SPIDR: variants seen among roughly 807,000 people sequenced by gnomAD.
SPIDR encodes the protein DNA repair-scaffolding protein.
Under a neutral mutation model 104.6 loss-of-function variants are expected in SPIDR, and 93 were observed. The observed-to-expected ratio is 0.89, with a 90% confidence interval of 0.75 to 1.06. SPIDR has a LOEUF of 1.06. Among genes scored for constraint, SPIDR ranks in the 50% least tolerant of loss-of-function variants. SPIDR has a pLI of 0.00. For missense variants in SPIDR, 1,154 were observed against 1,111.2 expected (o/e 1.04, Z -0.55); for synonymous variants, 431 against 416.9 (o/e 1.03, Z -0.41).
chr8:47,487,192 A>AGCG (rs140026805), intron 8 of SPIDR, among the ~76,000 whole-genome samples: 1 of 94 alleles, frequency 0.011, no homozygotes. Context: ...CAAAACAAAA[A>AGCG]GGGGTTGCAA....
intron 10 of SPIDR, among the ~76,000 whole-genome samples, chr8:47,653,196 C>G (rs1273820064): frequency 1.3e-5 from 2 of 152,170 alleles, no homozygotes; most frequent in African/African-American, 2.4e-5. Flanking sequence ...CTTGCGTGGG[C>G]CAACATGCCC....
intron 5 of SPIDR, among the ~76,000 whole-genome samples, chr8:47,346,595 C>A (rs1554618276): frequency 6.6e-6 from 1 of 152,120 alleles, no homozygotes; most frequent in Non-Finnish European, 1.5e-5. Flanking sequence ...TCTGTCTGGT[C>A]CTGGACTTTT....
chr8:47,512,979 T>G (rs962042815), intron 8 of SPIDR, among the ~76,000 whole-genome samples: 1 of 152,256 alleles, frequency 6.6e-6, no homozygotes, highest in Non-Finnish European at 1.5e-5. Context: ...AGCAGCTTTC[T>G]GACTGTAAAA....
chr8:47,578,090 T>C (rs1166404269), intron 8 of SPIDR, among the ~76,000 whole-genome samples: 4 of 152,326 alleles, frequency 2.6e-5, no homozygotes. Flanking sequence ...ACTAAGGTAT[T>C]CAGTTTTCTT....
At chr8:47,344,292 A>G (rs1305866822) in intron 5 of SPIDR, among the ~76,000 whole-genome samples, 4 of 152,188 alleles carry the variant, frequency 2.6e-5, no homozygotes, top group African/African-American at 7.2e-5. Context: ...TACAAAGGAC[A>G]TGAACTCATC....
At chr8:47,505,958 T>A (rs2081415103) in intron 8 of SPIDR, among the ~76,000 whole-genome samples, 1 of 152,254 alleles carries the variant, frequency 6.6e-6, no homozygotes, top group Non-Finnish European at 1.5e-5. Flanking sequence ...AGTATTGCCC[T>A]CCTGGCACAT....
intron 8 of SPIDR, among the ~76,000 whole-genome samples, chr8:47,447,094 G>A (rs2070788723): frequency 6.6e-6 from 1 of 152,204 alleles, no homozygotes; most frequent in Admixed American, 6.5e-5. Context: ...GGTGGAAAAA[G>A]CAAGAGAACT....
chr8:47,347,882 A>C (rs1238466051), intron 5 of SPIDR, among the ~76,000 whole-genome samples: 1 of 152,082 alleles, frequency 6.6e-6, no homozygotes, highest in African/African-American at 2.4e-5. Context: ...CAGCACACTG[A>C]TGGGTCCTGG....
At chr8:47,462,932 T>C (rs923560894) in intron 8 of SPIDR, among the ~76,000 whole-genome samples, 5 of 152,172 alleles carry the variant, frequency 3.3e-5, no homozygotes, top group Admixed American at 3.3e-4. Flanking sequence ...TATGAACAAC[T>C]GAACACCAAC....
At chr8:47,526,466 C>T (rs1357996045) in intron 8 of SPIDR, among the ~76,000 whole-genome samples, 4 of 152,116 alleles carry the variant, frequency 2.6e-5, no homozygotes, top group African/African-American at 9.7e-5. Context: ...GCTAAGAAGC[C>T]TTAAAAACCA....
intron 5 of SPIDR, among the ~76,000 whole-genome samples, chr8:47,334,391 A>G (rs1177038878): frequency 2.6e-5 from 4 of 152,160 alleles, no homozygotes; most frequent in African/African-American, 9.7e-5. Flanking sequence ...ATGATAGTGG[A>G]CTAATTTATT....
intron 5 of SPIDR, among the ~76,000 whole-genome samples, chr8:47,310,588 A>G (rs1176095033): frequency 6.6e-6 from 1 of 152,180 alleles, no homozygotes; most frequent in Non-Finnish European, 1.5e-5. Context: ...TGAGCATTTC[A>G]TTTTTTGTGG....
chr8:47,383,176 G>C (rs555102479), intron 5 of SPIDR, among the ~76,000 whole-genome samples: 12 of 152,254 alleles, frequency 7.9e-5, no homozygotes, highest in African/African-American at 2.6e-4. Flanking sequence ...TGCTTTTCCA[G>C]CCTCCTGCCA....
chr8:47,476,087 CACA>C (rs2076259924), intron 8 of SPIDR, among the ~76,000 whole-genome samples: 1 of 152,128 alleles, frequency 6.6e-6, no homozygotes, highest in Non-Finnish European at 1.5e-5. Context: ...GCCATTGTAA[CACA>C]AAAGTTAAAG....
intron 8 of SPIDR, among the ~76,000 whole-genome samples, chr8:47,591,509 A>G (rs913827287): frequency 3.3e-5 from 5 of 151,930 alleles, no homozygotes; most frequent in African/African-American, 4.8e-5. Context: ...GATTTGCAGA[A>G]ATTTCCAGAC....
At chr8:47,363,247 C>G (rs570757073) in intron 5 of SPIDR, among the ~76,000 whole-genome samples, 2 of 140,312 alleles carry the variant, frequency 1.4e-5, no homozygotes, top group East Asian at 4.1e-4. Flanking sequence ...GCTCTGTCAC[C>G]CAGGCTGGAG....
At chr8:47,278,754 C>T (rs1331064214) in intron 1 of SPIDR, among the ~76,000 whole-genome samples, 2 of 152,126 alleles carry the variant, frequency 1.3e-5, no homozygotes, top group Non-Finnish European at 2.9e-5. Context: ...ACTACAGGTG[C>T]ATGCCACCAC....
chr8:47,576,885 A>G (rs1564379158), intron 8 of SPIDR, among the ~76,000 whole-genome samples: 1 of 152,232 alleles, frequency 6.6e-6, no homozygotes, highest in Non-Finnish European at 1.5e-5. Flanking sequence ...GTATGTGACA[A>G]AACTGAGACT....
At chr8:47,262,028 A>G (rs1436520660) in intron 1 of SPIDR, among the ~76,000 whole-genome samples, 2 of 152,196 alleles carry the variant, frequency 1.3e-5, no homozygotes, top group African/African-American at 2.4e-5. Flanking sequence ...CTGTCTTGCA[A>G]CAGCTCATTT....
Sources: gnomAD v4.1 joint callset for allele counts (sites outside exome capture counted in the v4.1 genomes callset) on GRCh38, gnomAD v4.1.1 for gene constraint, MANE v1.5 for transcripts, NCBI Gene and HGNC (gene_info 2026-07-23, HGNC 2026-07-21) for gene names.